SORCS3: variants seen among roughly 807,000 people sequenced by gnomAD.
SORCS3 encodes sortilin related VPS10 domain containing receptor 3, also known as VPS10 domain-containing receptor SorCS3.
Under a neutral mutation model 146.3 loss-of-function variants are expected in SORCS3, and 57 were observed. That is an observed-to-expected ratio of 0.39 (90% CI 0.31 to 0.49). The LOEUF is 0.49. Among genes scored for constraint, SORCS3 ranks in the 20% least tolerant of loss-of-function variants. The pLI, the probability that SORCS3 is intolerant of heterozygous loss-of-function variation, is 0.92. For missense variants in SORCS3, 1,341 were observed against 1,575.5 expected (o/e 0.85, Z 2.52); for synonymous variants, 653 against 618.5 (o/e 1.06, Z -0.83).
At chr10:104,789,186 C>T (rs947312518) in intron 1 of SORCS3, among the ~76,000 whole-genome samples, 4 of 152,200 alleles carry the variant, frequency 2.6e-5, no homozygotes, top group Non-Finnish European at 4.4e-5. Context: ...AAAATACCTG[C>T]AGTTCATACC....
At chr10:105,063,288 G>C (rs1193173698) in intron 5 of SORCS3, among the ~76,000 whole-genome samples, 1 of 152,158 alleles carries the variant, frequency 6.6e-6, no homozygotes, top group East Asian at 1.9e-4. Flanking sequence ...GGCAACCTGA[G>C]AGATGTGCTG....
intron 2 of SORCS3, among the ~76,000 whole-genome samples, chr10:104,863,735 C>A (rs2018430741): frequency 6.6e-6 from 1 of 152,126 alleles, no homozygotes; most frequent in Admixed American, 6.5e-5. Context: ...TTGTTGGTAC[C>A]CTGTCTGCTC....
intron 2 of SORCS3, among the ~76,000 whole-genome samples, chr10:104,859,861 A>G (rs2018380231): frequency 6.8e-6 from 1 of 146,514 alleles, no homozygotes; most frequent in South Asian, 2.2e-4. Context: ...AATCAAAACC[A>G]CAATGAGATA....
intron 1 of SORCS3, among the ~76,000 whole-genome samples, chr10:104,651,756 A>C (rs1408799776): frequency 6.6e-6 from 1 of 151,942 alleles, no homozygotes; most frequent in African/African-American, 2.4e-5. Context: ...TTGGTACTCT[A>C]CCCGTATTCC....
At chr10:105,236,117 C>T (rs2056791740) in intron 20 of SORCS3, among the ~76,000 whole-genome samples, 1 of 152,072 alleles carries the variant, frequency 6.6e-6, no homozygotes, top group Non-Finnish European at 1.5e-5. Flanking sequence ...GACTAATGCA[C>T]TTGCATTTCT....
chr10:105,160,300 T>C lies in SORCS3; in HGVS notation c.1732+1306T>C, dbSNP rs181064671. Among the ~76,000 whole-genome samples, 21 of 152,268 alleles carry C rather than the reference T, an allele frequency of 1.4e-4. No homozygotes were observed. The East Asian group carries it at 1.5e-3, about 11-fold the overall frequency. ...GCATAATAGTACCAAAATAATAGAA[T>C]TGCAGGATATAATGAAACAATGAAT... On this transcript the variant is annotated intron_variant, in intron 11 of 26. Transcript: ENST00000369701.
chr10:104,690,383 A>G (rs1259591152), intron 1 of SORCS3, among the ~76,000 whole-genome samples: 1 of 152,178 alleles, frequency 6.6e-6, no homozygotes, highest in Non-Finnish European at 1.5e-5. Context: ...GCGGTGAAGA[A>G]TGTCAGTTTG....
intron 1 of SORCS3, among the ~76,000 whole-genome samples, chr10:104,755,628 T>C (rs1415639473): frequency 3.3e-5 from 5 of 152,186 alleles, no homozygotes; most frequent in Non-Finnish European, 7.3e-5. Context: ...TAGATTTACA[T>C]AGGAGTGAGG....
intron 3 of SORCS3, among the ~76,000 whole-genome samples, chr10:104,962,971 A>G (rs917246671): frequency 1.3e-5 from 2 of 152,324 alleles, no homozygotes; most frequent in East Asian, 3.9e-4. Context: ...CTGTTTAAAT[A>G]TATGGTTGTT....
chr10:105,184,283 A>G (rs1361484290), intron 14 of SORCS3, among the ~76,000 whole-genome samples: 6 of 152,248 alleles, frequency 3.9e-5, no homozygotes, highest in Admixed American at 6.5e-5. Context: ...GTGTGTTCCA[A>G]TAAAACTTTA....
chr10:104,724,142 C>T (rs1177149230), intron 1 of SORCS3, among the ~76,000 whole-genome samples: 1 of 152,102 alleles, frequency 6.6e-6, no homozygotes, highest in African/African-American at 2.4e-5. Flanking sequence ...TTTAGTGCTT[C>T]CTTCAGGAGC....
intron 8 of SORCS3, among the ~76,000 whole-genome samples, chr10:105,140,455 G>C (rs1488166177): frequency 1.3e-5 from 2 of 152,064 alleles, no homozygotes; most frequent in East Asian, 3.8e-4. Flanking sequence ...TGTCTTCATG[G>C]ATGTTATGTT....
intron 4 of SORCS3, among the ~76,000 whole-genome samples, chr10:105,018,881 A>G (rs1318414692): frequency 6.6e-6 from 1 of 152,120 alleles, no homozygotes; most frequent in Non-Finnish European, 1.5e-5. Context: ...CATCCACATC[A>G]TCTGCCAAAC....
At chr10:104,749,190 G>A (rs2016951536) in intron 1 of SORCS3, among the ~76,000 whole-genome samples, 1 of 151,810 alleles carries the variant, frequency 6.6e-6, no homozygotes, top group African/African-American at 2.4e-5. Flanking sequence ...TGGTTACTGA[G>A]CAGTGACCAT....
chr10:104,935,581 T>G (rs1852137), intron 3 of SORCS3, among the ~76,000 whole-genome samples: 41,998 of 152,086 alleles, frequency 0.28, 7,459 homozygotes, highest in African/African-American at 0.51. Context: ...TTTGTGTCCC[T>G]GGTCTTTGCT....
chr10:105,097,726 A>G (rs2055756657), intron 6 of SORCS3, among the ~76,000 whole-genome samples: 1 of 152,188 alleles, frequency 6.6e-6, no homozygotes, highest in African/African-American at 2.4e-5. Flanking sequence ...GGGAGATTTC[A>G]GTTCAATGAA....
At chr10:105,147,819 C>T (rs1460757176) in intron 9 of SORCS3, 23 bp downstream of exon 9, 1 of 1,596,368 alleles carries the variant, frequency 6.3e-7, no homozygotes, top group South Asian at 1.1e-5. Context: ...AATTCTCCTT[C>T]CCTTGGGTCT....
chr10:104,858,627 T>C (rs2018361607), intron 2 of SORCS3, among the ~76,000 whole-genome samples: 1 of 151,034 alleles, frequency 6.6e-6, no homozygotes, highest in Admixed American at 6.6e-5. Flanking sequence ...AAGTGTACTT[T>C]TTTTTTTTTT....
chr10:104,949,147 T>C (rs758581561), intron 3 of SORCS3, among the ~76,000 whole-genome samples: 9 of 152,170 alleles, frequency 5.9e-5, no homozygotes, highest in Non-Finnish European at 1.3e-4. Flanking sequence ...TCAGCACACA[T>C]AATCACCACC....
Sources: allele counts gnomAD v4.1 joint callset (sites outside exome capture counted in the v4.1 genomes callset), GRCh38; gene constraint gnomAD v4.1.1; transcripts MANE v1.5; gene names NCBI Gene and HGNC (gene_info 2026-07-23, HGNC 2026-07-21).